Variants in DNAH10 observed in about 807,000 individuals in gnomAD.
The protein encoded by DNAH10 is dynein axonemal heavy chain 10.
Under a neutral mutation model 506.6 loss-of-function variants are expected in DNAH10, and 348 were observed. The observed-to-expected ratio is 0.69, with a 90% CI of 0.63 to 0.75. DNAH10 has a LOEUF of 0.75. Among genes scored for constraint, DNAH10 ranks in the 30% least tolerant of loss-of-function variants. The pLI is 0.00. For missense variants in DNAH10, 5,179 were observed against 5,787.1 expected, an observed-to-expected ratio of 0.89 and a Z score of 3.41; for synonymous variants, 2,059 against 2,198.6, an observed-to-expected ratio of 0.94 and a Z score of 1.78.
Position 123,929,747 on chromosome 12 carries a change from C to T in DNAH10, c.12600C>T (p.Tyr4200=). 1.9e-6 allele frequency: 3 copies of T among 1,612,472 alleles called. No homozygotes were observed. The highest frequency in any genetic ancestry group is 2.5e-6 in the Non-Finnish European group (3 of 1,179,338). The part of the protein sequence containing the change: ...DPRIPWGSLK[Y]LIGEVMYGGR... ...GGATCCCGTGGGGCAGCCTCAAGTA[C>T]CTAATTGGAGAGGTAGGGGTGACCG... The change falls in exon 72 of 79, where the codon TAC becomes TAT. Residue 4200 remains tyrosine, a synonymous_variant. Transcript: ENST00000673944.
intron 5 of DNAH10, among the ~76,000 whole-genome samples, chr12:123,778,052 A>T (rs894875719): frequency 6.6e-6 from 1 of 151,974 alleles, no homozygotes; most frequent in Non-Finnish European, 1.5e-5. Context: ...GAAAAAGAAA[A>T]ATCTGCTGGG....
In DNAH10 at chr12:123,781,236, G is replaced by T. The variant is rs1957636966; in HGVS notation, c.778G>T (p.Glu260Ter). 3 of 1,613,808 alleles carry T rather than the reference G, an allele frequency of 1.9e-6. No homozygotes were observed. Among genetic ancestry groups the T allele is most frequent in the African/African-American group, 2.7e-5 (2 of 74,906 alleles). ...EYHSIQLIRD[E>*]FLMNVQKFAS... Reference sequence around the variant, plus strand: ...TCACAGTATTCAATTAATACGGGATGAATTTTTAATGAACGTGCAGAAATT... The same window carrying T: ...TCACAGTATTCAATTAATACGGGATTAATTTTTAATGAACGTGCAGAAATT... Residue 260 changes from glutamate to a stop codon, truncating the protein, a stop_gained, in exon 6 of 79, where the codon GAA becomes TAA. Coordinates refer to ENST00000673944, the MANE Select transcript of DNAH10 (RefSeq NM_001372106.1). LOFTEE classifies it high-confidence loss of function.
rs575556910 is a variant in DNAH10 at position 123,817,173 on chromosome 12, T to G, written c.3781-1777T>G. Among the ~76,000 whole-genome samples the G allele has an allele frequency of 1.9e-4, 29 of 151,046 alleles. No homozygotes were observed. The South Asian group carries it at 6.0e-3, about 32-fold the overall frequency. ...TCTTTGGTTTTCAGCAGTTGTAATA[T>G]GATGTAACTAGGTTCTTTTGTTTTG... On this transcript the variant is annotated intron_variant, in intron 21 of 78. Transcript: ENST00000673944.
intron 70 of DNAH10, 144 bp from the exon 71 acceptor site, chr12:123,929,131 C>G: frequency 1.2e-6 from 1 of 833,510 alleles, no homozygotes; most frequent in Non-Finnish European, 1.9e-6. Context: ...AGCCTGGGCC[C>G]TGGACAAGAG....
At chr12:123,930,341 C>T in intron 72 of DNAH10, 61 bp from the exon 73 acceptor site, 1 of 1,421,156 alleles carries the variant, frequency 7.0e-7, no homozygotes, top group South Asian at 1.7e-5. Context: ...GGCCCCGGGC[C>T]CCCAGGGTGC....
intron 55 of DNAH10, 41 bp from the exon 56 acceptor site, chr12:123,898,612 T>C (rs370914592): frequency 2.1e-4 from 312 of 1,464,604 alleles, no homozygotes; most frequent in Non-Finnish European, 2.7e-4. Flanking sequence ...TTGCGAACAG[T>C]GGCCACCTCG....
intron 51 of DNAH10, among the ~76,000 whole-genome samples, chr12:123,886,794 C>T (rs1359475687): frequency 6.6e-6 from 1 of 152,188 alleles, no homozygotes; most frequent in African/African-American, 2.4e-5. Flanking sequence ...ACATTTACAT[C>T]GATTTCGTGT....
chr12:123,914,699 A>C (rs920519128), intron 61 of DNAH10, 149 bp downstream of exon 61: 5 of 1,397,012 alleles, frequency 3.6e-6, no homozygotes, highest in Non-Finnish European at 4.8e-6. Flanking sequence ...GGCAAGCTGC[A>C]AACCCAGCAC....
intron 48 of DNAH10, among the ~76,000 whole-genome samples, chr12:123,878,147 C>A (rs1952343133): frequency 6.6e-6 from 1 of 152,144 alleles, no homozygotes; most frequent in Non-Finnish European, 1.5e-5. Context: ...CCTATCACAC[C>A]CCTTGGGCAG....
chr12:123,879,277 G>A lies in DNAH10; in HGVS notation c.8386G>A (p.Ala2796Thr). 1 of 1,575,884 alleles carries A rather than the reference G, an allele frequency of 6.3e-7. No homozygotes were observed. Among genetic ancestry groups the A allele is most frequent in the Non-Finnish European group, 8.6e-7 (1 of 1,160,080 alleles). Residue 2796 changes from alanine (A) to threonine (T), a missense_variant, in exon 49 of 79, where the codon GCC becomes ACC. Ala to Thr is a moderately conservative substitution (Grantham distance 58). This residue lies in a region of DNAH10 where 4,844 missense variants were observed against 5,430.5 expected (regional missense o/e 0.89). Coordinates refer to ENST00000673944, the MANE Select transcript of DNAH10 (RefSeq NM_001372106.1). ...TCCATTCTGCAGATTCCAGACGGTG[G>A]CCCAGATGGTGAGAGTCTGGAGGAA... ...LTNPERFQTV[A>T]QMVRVWRNEC...
In DNAH10 at chr12:123,810,687, C is replaced by T. The variant is rs149288034; in HGVS notation, c.3144+1734C>T. 6.2e-3 allele frequency among the ~76,000 whole-genome samples: 931 copies of T among 150,958 alleles called. 18 individuals are homozygous for T. Among genetic ancestry groups the T allele is most frequent in the African/African-American group, 0.021 (869 of 41,078 alleles). ...CAGCCTGGGCGACAGGGTGAGACTC[C>T]GTCTCAAAAAAAAAAAATGTTGAAT... On this transcript the variant is annotated intron_variant, in intron 19 of 78. Coordinates refer to ENST00000673944, the MANE Select transcript of DNAH10 (RefSeq NM_001372106.1).
chr12:123,935,372 G>A lies in DNAH10; in HGVS notation c.13661G>A (p.Arg4554Lys), dbSNP rs1222087305. 1 of 1,611,268 alleles carries A rather than the reference G, an allele frequency of 6.2e-7. No homozygotes were observed. The highest frequency in any genetic ancestry group is 1.3e-5 in the African/African-American group (1 of 74,924). Residue 4554 changes from arginine (R) to lysine (K), a missense_variant, in exon 79 of 79, where the codon AGA becomes AAA. By Grantham distance (26) the Arg-to-Lys change is conservative. This residue lies in a region of DNAH10 where 4,844 missense variants were observed against 5,430.5 expected (regional missense o/e 0.89). Transcript: ENST00000673944. ...ACCCCCGTCTACACCACCTCCATGA[G>A]AAGGAACGCCATGGGAGTCGGCTTG... ...FRTPVYTTSM[R>K]RNAMGVGLVF...
intron 43 of DNAH10, among the ~76,000 whole-genome samples, chr12:123,869,868 A>C (rs1209757616): frequency 6.6e-6 from 1 of 152,048 alleles, no homozygotes; most frequent in African/African-American, 2.4e-5. Context: ...TGCAGCTTCC[A>C]TCTCTCCCCT....
chr12:123,802,651 G>A (rs1958517350), intron 16 of DNAH10, among the ~76,000 whole-genome samples: 1 of 151,808 alleles, frequency 6.6e-6, no homozygotes, highest in African/African-American at 2.4e-5. Flanking sequence ...GTCTTACAGG[G>A]CGGCTGTGCC....
rs372478286 is a variant in DNAH10, at chr12:123,925,020, C to T, written c.11767-30C>T. On this transcript the variant is annotated intron_variant, in intron 67 of 78. Transcript: ENST00000673944. The surrounding 1 kb of genome is among the most constrained non-coding windows in gnomAD (Gnocchi z 4.0). ...GGGACCTATGTCATTTCTGAGTTGACGCACAATGAATATTCTTTGCTTTTC... is the reference window on the plus strand; with the variant it reads ...GGGACCTATGTCATTTCTGAGTTGATGCACAATGAATATTCTTTGCTTTTC... 271 of 1,611,144 alleles carry T rather than the reference C, an allele frequency of 1.7e-4. No homozygotes were observed. The highest frequency in any genetic ancestry group is 1.1e-3 in the African/African-American group (84 of 74,876).
Position 123,919,105 on chromosome 12 carries a change from T to C in DNAH10, c.11506+156T>C, listed in dbSNP as rs1051134524. The C allele has an allele frequency of 1.0e-6, 1 of 969,692 alleles. No homozygotes were observed. Among genetic ancestry groups the C allele is most frequent in the South Asian group, 2.1e-5 (1 of 48,690 alleles). 60.1% of individuals were successfully genotyped at this position (969,692 alleles called of 1,614,324 possible). On this transcript the variant is annotated intron_variant, in intron 65 of 78. Transcript: ENST00000673944. This position sits in a 1 kb window ranked among gnomAD's most constrained non-coding sequence, Gnocchi z 4.9. ...TTTCTTTTTTTTTTGAGATAGGGTC[T>C]TGCTCCATCACCCAGGCTGGAATGC...
chr12:123,889,523 TAACGAC>T (rs1239776795), intron 52 of DNAH10, among the ~76,000 whole-genome samples: 4 of 152,110 alleles, frequency 2.6e-5, no homozygotes, highest in Non-Finnish European at 4.4e-5. Context: ...GTGGACTGGT[TAACGAC>T]AACAACAACT....
Position 123,933,041 on chromosome 12 carries a change from C to G in DNAH10, c.13297-290C>G, listed in dbSNP as rs977894696. 3.3e-5 allele frequency among the ~76,000 whole-genome samples: 5 copies of G among 152,278 alleles called. 1 individual carries two copies. Among genetic ancestry groups the G allele is most frequent in the Middle Eastern group, 6.8e-3 (2 of 294 alleles). Reference sequence around the variant, plus strand: ...CCGTAGTCAAACCTACAAGGCTTTTCTTTTTTATCCTGGGCTTTGTATTTC... The same window carrying G: ...CCGTAGTCAAACCTACAAGGCTTTTGTTTTTTATCCTGGGCTTTGTATTTC... On this transcript the variant is annotated intron_variant, in intron 76 of 78. Transcript: ENST00000673944.
At chr12:123,842,075 G>T (rs1950795893) in intron 30 of DNAH10, among the ~76,000 whole-genome samples, 2 of 152,190 alleles carry the variant, frequency 1.3e-5, no homozygotes, top group African/African-American at 4.8e-5. Flanking sequence ...GTGCCCCCTG[G>T]TGGCAGCACA....
Sources: gnomAD v4.1 joint callset for allele counts (sites outside exome capture counted in the v4.1 genomes callset) on GRCh38, gnomAD v4.1.1 for gene constraint, gnomAD v4.1.1 regional missense constraint, Gnocchi (gnomAD v3.1) non-coding constraint, MANE v1.5 for transcripts, NCBI Gene and HGNC (gene_info 2026-07-23, HGNC 2026-07-21) for gene names.